Variants in OSBPL2 observed in about 807,000 individuals in gnomAD.
The protein encoded by OSBPL2 is oxysterol-binding protein-related protein 2.
A neutral mutation model predicts 58.4 loss-of-function variants in OSBPL2; 18 were observed. The ratio of observed to expected loss-of-function variants is 0.31; its 90% CI spans 0.21 to 0.46. OSBPL2 has a LOEUF of 0.46. Among genes scored for constraint, OSBPL2 ranks in the 20% least tolerant of loss-of-function variants. The probability of loss-of-function intolerance (pLI) is 1.00; values close to 1 mark genes in which losing one functional copy is unlikely to be tolerated. For missense variants in OSBPL2, 461 were observed against 616.5 expected (o/e 0.75, Z 2.67); for synonymous variants, 221 against 234.1 (o/e 0.94, Z 0.51).
intron 6 of OSBPL2, among the ~76,000 whole-genome samples, chr20:62,273,863 G>A (rs543021451): frequency 3.8e-4 from 58 of 152,300 alleles, no homozygotes; most frequent in African/African-American, 1.4e-3. Context: ...CACTCCCAAG[G>A]CCACGTTTGC....
chr20:62,268,667 A>T (rs1383466851), intron 4 of OSBPL2, among the ~76,000 whole-genome samples: 2 of 152,150 alleles, frequency 1.3e-5, no homozygotes, highest in Non-Finnish European at 2.9e-5. Flanking sequence ...TGGCAGGATC[A>T]TGGCTCATTG....
At chr20:62,256,784 G>A (rs986304918) in intron 2 of OSBPL2, among the ~76,000 whole-genome samples, 9 of 152,250 alleles carry the variant, frequency 5.9e-5, no homozygotes, top group Non-Finnish European at 1.2e-4. Context: ...GTGACGGGGC[G>A]GCTAGAGGAA....
intron 11 of OSBPL2, among the ~76,000 whole-genome samples, chr20:62,287,270 ATC>A (rs1239946215): frequency 3.3e-5 from 5 of 152,230 alleles, no homozygotes; most frequent in Non-Finnish European, 7.3e-5. Flanking sequence ...CACACGTAAT[ATC>A]TTAGTATTTT....
At chr20:62,293,438 CATGTGAACAGTGT>C (rs1279972300) in intron 13 of OSBPL2, among the ~76,000 whole-genome samples, 1 of 152,198 alleles carries the variant, frequency 6.6e-6, no homozygotes, top group Non-Finnish European at 1.5e-5. Flanking sequence ...AATGACAGCA[CATGTGAACAGTGT>C]AACTGCTTTT....
intron 1 of OSBPL2, among the ~76,000 whole-genome samples, chr20:62,243,211 G>A (rs1979848284): frequency 2.6e-5 from 4 of 152,246 alleles, no homozygotes. Context: ...GGCTGCGTCT[G>A]TGGTGGCGAG....
In OSBPL2 at chr20:62,269,603, A is replaced by G. The variant is rs572008861; in HGVS notation, c.259-2522A>G. On this transcript the variant is annotated intron_variant, in intron 4 of 13. Coordinates refer to ENST00000313733, the MANE Select transcript of OSBPL2 (RefSeq NM_144498.4). The surrounding 1 kb of genome is among the most constrained non-coding windows in gnomAD (Gnocchi z 4.2). ...GCACTTCCCGGCCTCCCTGGTCCCA[A>G]TCTCTGGCCGCTGTGGACTGTGGCC... Among the ~76,000 whole-genome samples the G allele has an allele frequency of 5.9e-5, 9 of 152,238 alleles. No individual in the cohort carries two copies. In the East Asian group the frequency reaches 7.7e-4, roughly 13 times the overall value.
At chr20:62,252,326 C>T (rs1038824776) in intron 1 of OSBPL2, among the ~76,000 whole-genome samples, 8 of 152,086 alleles carry the variant, frequency 5.3e-5, no homozygotes, top group Non-Finnish European at 8.8e-5. Flanking sequence ...AGAAGCCTTC[C>T]CTCTCCTTCT....
intron 1 of OSBPL2, among the ~76,000 whole-genome samples, chr20:62,245,138 G>A (rs563104068): frequency 5.7e-4 from 85 of 150,360 alleles, no homozygotes; most frequent in Middle Eastern, 6.9e-3. Flanking sequence ...TGCCTCTGTC[G>A]CCCAGGCTGA....
At chr20:62,254,593 TGCCCC>T (rs1269000068) in intron 1 of OSBPL2, among the ~76,000 whole-genome samples, 3 of 152,220 alleles carry the variant, frequency 2.0e-5, no homozygotes, top group Non-Finnish European at 2.9e-5. Context: ...CAGCTGCTGC[TGCCCC>T]GTGCGGCTGT....
chr20:62,249,101 T>G (rs1980351494), intron 1 of OSBPL2, among the ~76,000 whole-genome samples: 1 of 152,062 alleles, frequency 6.6e-6, no homozygotes, highest in Non-Finnish European at 1.5e-5. Context: ...GACAGCACCT[T>G]TAAGAAAGTG....
intron 4 of OSBPL2, among the ~76,000 whole-genome samples, chr20:62,271,216 C>T (rs991167901): frequency 2.0e-5 from 3 of 151,320 alleles, no homozygotes; most frequent in Admixed American, 6.6e-5. Context: ...TGTGGGCACT[C>T]GTCCCCTTGG....
intron 5 of OSBPL2, 92 bp downstream of exon 5, chr20:62,272,351 G>C: frequency 1.4e-6 from 2 of 1,421,884 alleles, no homozygotes; most frequent in Non-Finnish European, 1.9e-6. Context: ...AGGCATCTGT[G>C]AGGACTCGCA....
chr20:62,268,999 C>A (rs1283545191), intron 4 of OSBPL2, among the ~76,000 whole-genome samples: 2 of 151,580 alleles, frequency 1.3e-5, no homozygotes, highest in Non-Finnish European at 2.9e-5. Flanking sequence ...GGAGAGGTTG[C>A]ACTGAGCCGA....
At chr20:62,289,373 G>C in intron 12 of OSBPL2, 43 bp downstream of exon 12, 1 of 1,598,518 alleles carries the variant, frequency 6.3e-7, no homozygotes, top group Non-Finnish European at 8.5e-7. Flanking sequence ...GGCCAAGGAC[G>C]CCCTGGCTAG....
intron 9 of OSBPL2, among the ~76,000 whole-genome samples, chr20:62,282,888 C>G (rs1445090903): frequency 1.3e-5 from 2 of 152,206 alleles, no homozygotes; most frequent in African/African-American, 4.8e-5. Flanking sequence ...CAGAAATGCA[C>G]CCGTTTGAAC....
rs1315683978 is a variant in OSBPL2, at chr20:62,294,601, G to C, written c.*714G>C. 6.6e-6 allele frequency: 1 copy of C among 152,454 alleles called. No homozygotes were observed. Among genetic ancestry groups the C allele is most frequent in the African/African-American group, 2.4e-5 (1 of 41,442 alleles). 9.4% of individuals were successfully genotyped at this position (152,454 alleles called of 1,614,324 possible). On this transcript the variant is annotated 3_prime_UTR_variant, in exon 14 of 14. Coordinates refer to ENST00000313733, the MANE Select transcript of OSBPL2 (RefSeq NM_144498.4). The stretch of plus-strand genomic sequence containing the variant: ...AAACCAGAGTGGGCAGAAGCATCGA[G>C]AGCGTGACAGGAAATCCCAAGACTG...
chr20:62,242,581 G>A (rs1039995982), intron 1 of OSBPL2: 10 of 152,246 alleles, frequency 6.6e-5, no homozygotes, highest in African/African-American at 2.4e-4. Flanking sequence ...GCTAGTGGCT[G>A]GCTCCATAGT....
At chr20:62,251,301 G>T (rs946669935) in intron 1 of OSBPL2, among the ~76,000 whole-genome samples, 4 of 150,442 alleles carry the variant, frequency 2.7e-5, no homozygotes, top group Admixed American at 2.0e-4. Flanking sequence ...TGATCCACCC[G>T]CCTTGGCCTC....
intron 1 of OSBPL2, among the ~76,000 whole-genome samples, chr20:62,252,803 T>C (rs6089704): frequency 0.98 from 149,558 of 152,398 alleles, 73,446 homozygotes; most frequent in East Asian, 1. Flanking sequence ...GCGAAGCGGG[T>C]GCAGGCGCCT....
Sources: allele counts gnomAD v4.1 joint callset (sites outside exome capture counted in the v4.1 genomes callset), GRCh38; gene constraint gnomAD v4.1.1; non-coding constraint Gnocchi (gnomAD v3.1); transcripts MANE v1.5; gene names NCBI Gene and HGNC (gene_info 2026-07-23, HGNC 2026-07-21).